Variants in CD2AP observed in about 807,000 individuals in gnomAD.
The protein encoded by CD2AP is CD2-associated protein.
Under a neutral mutation model 85.1 loss-of-function variants are expected in CD2AP, and 46 were observed. The ratio of observed to expected loss-of-function variants is 0.54; its 90% CI spans 0.43 to 0.69. CD2AP has a LOEUF of 0.69. CD2AP is among the 30% of genes least tolerant of loss of function. CD2AP has a pLI of 0.00. For synonymous variants in CD2AP, 255 were observed against 252.9 expected (o/e 1.01, Z -0.08); for missense variants, 769 against 729.5 (o/e 1.05, Z -0.62).
At chr6:47,540,021 A>AT (rs1200255061) in intron 3 of CD2AP, among the ~76,000 whole-genome samples, 1 of 151,032 alleles carries the variant, frequency 6.6e-6, no homozygotes, top group Non-Finnish European at 1.5e-5. Context: ...CTACAAAAAA[A>AT]AAAATACAAA....
chr6:47,479,271 A>G (rs998842621), intron 1 of CD2AP, among the ~76,000 whole-genome samples: 10 of 152,216 alleles, frequency 6.6e-5, no homozygotes, highest in African/African-American at 2.2e-4. Flanking sequence ...CTTCATATCA[A>G]CAAACGATCA....
At position 47,616,082 on chromosome 6, in the gene CD2AP, C is replaced by CTTT. The variant is rs562350159; in HGVS notation, c.1878+3571_1878+3573dup. Among the ~76,000 whole-genome samples, 135 of 63,798 alleles carry CTTT rather than the reference C, an allele frequency of 2.1e-3. 13 individuals are homozygous for CTTT. Among genetic ancestry groups the CTTT allele is most frequent in the South Asian group, 9.5e-3 (13 of 1,374 alleles). The allele number at this position is 63,798 out of a possible 152,430, so 41.9% of individuals were successfully genotyped here. A position where few individuals can be genotyped will look rare whatever the true frequency, so the allele number is the denominator to read the frequency against. ...GCAGGCATGAGCCACTGCGCCTGGC[C>CTTT]TTTTTTTTTTTTTTTTTTTTTTTTT... On this transcript the variant is annotated intron_variant, in intron 17 of 17. Transcript: ENST00000359314.
At chr6:47,515,457 C>T (rs561615873) in intron 2 of CD2AP, among the ~76,000 whole-genome samples, 10 of 152,262 alleles carry the variant, frequency 6.6e-5, no homozygotes, top group African/African-American at 1.4e-4. Flanking sequence ...TATTCACATA[C>T]GTTATCTCAC....
At chr6:47,478,377 TCTC>T in intron 1 of CD2AP, 129 bp downstream of exon 1, 1 of 1,048,544 alleles carries the variant, frequency 9.5e-7, no homozygotes, top group East Asian at 2.6e-5. Context: ...CCCTCTCCAT[TCTC>T]CCCACCGCCC....
chr6:47,557,735 G>A (rs1347050474), intron 5 of CD2AP, among the ~76,000 whole-genome samples: 1 of 152,134 alleles, frequency 6.6e-6, no homozygotes, highest in South Asian at 2.1e-4. Context: ...TAGCCTTGTA[G>A]TATAGTTTGA....
At position 47,566,301 on chromosome 6, in the gene CD2AP, A is replaced by AATATATATATAT. The variant is rs71831752; in HGVS notation, c.542-7751_542-7740dup. 1.1e-3 allele frequency among the ~76,000 whole-genome samples: 125 copies of AATATATATATAT among 110,196 alleles called. 4 individuals are homozygous for AATATATATATAT. Among genetic ancestry groups the AATATATATATAT allele is most frequent in the African/African-American group, 1.6e-3 (55 of 35,372 alleles). 72.3% of individuals were successfully genotyped at this position (110,196 alleles called of 152,430 possible). ...TATTGTCTGTCTACCTGCTCATTAG[A>AATATATATATAT]ATATATATATATATATATATATACA... On this transcript the variant is annotated intron_variant, in intron 5 of 17. Coordinates refer to ENST00000359314, the MANE Select transcript of CD2AP (RefSeq NM_012120.3).
At chr6:47,539,083 G>A (rs1489834021) in intron 3 of CD2AP, among the ~76,000 whole-genome samples, 1 of 152,142 alleles carries the variant, frequency 6.6e-6, no homozygotes, top group African/African-American at 2.4e-5. Context: ...ATAAAGCTGG[G>A]TATGGAGGAT....
chr6:47,494,990 T>C (rs540737060), intron 1 of CD2AP, among the ~76,000 whole-genome samples: 2 of 152,104 alleles, frequency 1.3e-5, no homozygotes, highest in African/African-American at 4.8e-5. Context: ...TGAGACCATG[T>C]CTCTACAAAA....
chr6:47,611,368 T>C (rs1216690093), intron 16 of CD2AP, among the ~76,000 whole-genome samples: 2 of 112,812 alleles, frequency 1.8e-5, no homozygotes, highest in Non-Finnish European at 4.1e-5. Flanking sequence ...TATAAAACTT[T>C]TTCTATGGAA....
intron 2 of CD2AP, among the ~76,000 whole-genome samples, chr6:47,525,884 T>C (rs1378369438): frequency 1.3e-5 from 2 of 152,166 alleles, no homozygotes; most frequent in Non-Finnish European, 2.9e-5. Flanking sequence ...TGCAAGTGGC[T>C]TCCCTCATTT....
chr6:47,564,560 A>G (rs1434536698), intron 5 of CD2AP, among the ~76,000 whole-genome samples: 1 of 152,114 alleles, frequency 6.6e-6, no homozygotes. Context: ...CCCTTTTACA[A>G]TAACTGTTCA....
Position 47,596,024 on chromosome 6 carries a change from C to T in CD2AP, c.1272C>T (p.Ala424=), listed in dbSNP as rs534039967. 4 of 1,610,062 alleles carry T rather than the reference C, an allele frequency of 2.5e-6. No homozygotes were observed. In the East Asian group the frequency reaches 6.7e-5, roughly 27 times the overall value. The change falls in exon 12 of 18, where the codon GCC becomes GCT. Residue 424 remains alanine (A), a splice_region_variant and synonymous_variant. Coordinates refer to ENST00000359314, the MANE Select transcript of CD2AP (RefSeq NM_012120.3). ...CAGTTCCTCCACCACCTCCTATAGC[C>T]AAGTAAGTTTTACCTAATTTTAAAT... ...EKPVPPPPPI[A]KINGEVSSIS... is the part of the protein sequence containing the mutation.
rs542683292 is a variant in CD2AP at position 47,611,454 on chromosome 6, A to T, written c.1815-1019A>T. On this transcript the variant is annotated intron_variant, in intron 16 of 17. Coordinates refer to ENST00000359314, the MANE Select transcript of CD2AP (RefSeq NM_012120.3). ...GGTACTGGTAATATTTTATTTCTTT[A>T]CTTGGAGTTCAGAGGTTTTCGCTTT... Among the ~76,000 whole-genome samples, 5 of 151,882 alleles carry T rather than the reference A, an allele frequency of 3.3e-5. No individual in the cohort carries two copies. The South Asian group carries it at 1.0e-3, about 32-fold the overall frequency.
At chr6:47,483,303 C>T (rs1366122808) in intron 1 of CD2AP, among the ~76,000 whole-genome samples, 1 of 152,138 alleles carries the variant, frequency 6.6e-6, no homozygotes, top group East Asian at 1.9e-4. Context: ...AGCTTGTCAG[C>T]ATCAGGGATA....
intron 5 of CD2AP, among the ~76,000 whole-genome samples, chr6:47,564,755 C>G (rs909463235): frequency 1.3e-5 from 2 of 152,106 alleles, no homozygotes; most frequent in South Asian, 2.1e-4. Flanking sequence ...CAAAGTGTAA[C>G]AGCCTCTGTC....
intron 3 of CD2AP, among the ~76,000 whole-genome samples, chr6:47,536,276 G>C (rs1054559031): frequency 6.7e-6 from 1 of 149,488 alleles, no homozygotes; most frequent in Non-Finnish European, 1.5e-5. Context: ...TCCCAAAATA[G>C]ATCACTTATT....
intron 4 of CD2AP, among the ~76,000 whole-genome samples, chr6:47,552,547 C>T (rs1009527520): frequency 1.3e-5 from 2 of 151,964 alleles, no homozygotes; most frequent in African/African-American, 4.8e-5. Context: ...TTTTTAAATT[C>T]ACTTGTTGAT....
intron 5 of CD2AP, among the ~76,000 whole-genome samples, chr6:47,561,910 A>G (rs1265350857): frequency 2.0e-5 from 3 of 151,984 alleles, no homozygotes; most frequent in African/African-American, 7.3e-5. Context: ...CCTCCCAAGT[A>G]GGCGCCCACC....
At chr6:47,580,816 A>G in intron 9 of CD2AP, 48 bp from the exon 10 acceptor site, 2 of 1,332,450 alleles carry the variant, frequency 1.5e-6, no homozygotes, top group Non-Finnish European at 1.1e-6. Context: ...TTTTAACTAT[A>G]TTTGATATGA....
Sources: gnomAD v4.1 joint callset for allele counts (sites outside exome capture counted in the v4.1 genomes callset) on GRCh38, gnomAD v4.1.1 for gene constraint, MANE v1.5 for transcripts, NCBI Gene and HGNC (gene_info 2026-07-23, HGNC 2026-07-21) for gene names.